HSPBP1: variants seen among roughly 807,000 people sequenced by gnomAD.
HSPBP1 encodes the protein hsp70-binding protein 1.
In HSPBP1, 31 loss-of-function variants were observed where a neutral mutation model predicts 41.7. The observed-to-expected ratio is 0.74, with a 90% CI of 0.56 to 1.00. The LOEUF (loss-of-function observed/expected upper bound fraction) is 1.00, where lower values mean the gene tolerates loss of function less well. Among genes scored for constraint, HSPBP1 ranks in the 50% least tolerant of loss-of-function variants. The pLI, the probability that HSPBP1 is intolerant of heterozygous loss-of-function variation, is 0.00. For synonymous variants in HSPBP1, 199 were observed against 214.4 expected, an observed-to-expected ratio of 0.93 and a Z score of 0.63; for missense variants, 439 against 487.9, an observed-to-expected ratio of 0.90 and a Z score of 0.94.
chr19:55,272,984 T>C lies in HSPBP1; in HGVS notation c.640+1414A>G, dbSNP rs543131757. 3.6e-4 allele frequency among the ~76,000 whole-genome samples: 55 copies of C among 152,316 alleles called. No homozygotes were observed. The highest frequency in any genetic ancestry group is 1.3e-3 in the African/African-American group (54 of 41,578). On this transcript the variant is annotated intron_variant, in intron 4 of 7. Coordinates refer to ENST00000433386, the MANE Select transcript of HSPBP1 (RefSeq NM_012267.5). This position sits in a 1 kb window ranked among gnomAD's most constrained non-coding sequence, Gnocchi z 4.2. The stretch of plus-strand genomic sequence containing the variant: ...CAGCACTGAATACACTAAGAAGTAC[T>C]ACGTTGTTTTTCTGGTTTTTGTGTT...
chr19:55,273,223 C>T (rs1299813342), intron 4 of HSPBP1, among the ~76,000 whole-genome samples: 4 of 152,102 alleles, frequency 2.6e-5, no homozygotes, highest in Admixed American at 6.6e-5. Context: ...CTCCTGGGCT[C>T]GAGCAATTCT....
At chr19:55,280,247 C>G (rs1294353817), upstream of HSPBP1, 1 of 155,132 alleles carries the variant, frequency 6.4e-6, no homozygotes, top group Non-Finnish European at 1.4e-5. Context: ...GGCCCCGCCC[C>G]TCCCATCCGG....
chr19:55,274,389 G>A lies in HSPBP1; in HGVS notation c.640+9C>T. ...GCACCCCTGTCCCCAGCCCCACCCG[G>A]ACACTCACAGGAGATGGCGAAGAGG... On this transcript the variant is annotated intron_variant, in intron 4 of 7. Coordinates refer to ENST00000433386, the MANE Select transcript of HSPBP1 (RefSeq NM_012267.5). 1 of 696,772 alleles carries A rather than the reference G, an allele frequency of 1.4e-6. No homozygotes were observed. The highest frequency in any genetic ancestry group is 1.9e-6 in the Non-Finnish European group (1 of 535,986). The allele number at this position is 696,772 out of a possible 1,614,324, so 43.2% of individuals were successfully genotyped here. A position where few individuals can be genotyped will look rare whatever the true frequency, so the allele number is the denominator to read the frequency against.
chr19:55,274,548 G>A lies in HSPBP1; in HGVS notation c.490C>T (p.Arg164Trp), dbSNP rs1355096967. 8.1e-6 allele frequency: 13 copies of A among 1,608,788 alleles called. No individual in the cohort carries two copies. The highest frequency in any genetic ancestry group is 1.7e-5 in the Admixed American group (1 of 59,908). ...CACGTGCCGATGAGCTGTGCCGCCC[G>A]CCACCGCAGTCCCGCAGCCCCCGCC... is the stretch of plus-strand genomic sequence containing the variant. ...LEAGAAGLRWRAAQLIGTCSQ... is the reference protein window; with the variant it reads ...LEAGAAGLRWWAAQLIGTCSQ... Residue 164 changes from arginine (R) to tryptophan (W), a missense_variant, in exon 4 of 8, where the codon CGG becomes TGG. Arg to Trp is a moderately radical substitution (Grantham distance 101, BLOSUM62 -3). Transcript: ENST00000433386.
At chr19:55,267,095 C>T (rs1053450250) in intron 4 of HSPBP1, among the ~76,000 whole-genome samples, 3 of 152,114 alleles carry the variant, frequency 2.0e-5, no homozygotes, top group African/African-American at 7.2e-5. Context: ...ATATTTTATC[C>T]ATTCCTCCAT....
At chr19:55,274,352 C>T (rs1270695010) in intron 4 of HSPBP1, 46 bp downstream of exon 4, 1 of 566,368 alleles carries the variant, frequency 1.8e-6, no homozygotes, top group Non-Finnish European at 3.0e-6. Flanking sequence ...CCGGCACCCC[C>T]CCCCACCGCC....
chr19:55,270,824 C>G lies in HSPBP1; in HGVS notation c.640+3574G>C, dbSNP rs928811980. Among the ~76,000 whole-genome samples the G allele has an allele frequency of 6.6e-6, 1 of 150,806 alleles. No individual in the cohort carries two copies. Among genetic ancestry groups the G allele is most frequent in the Admixed American group, 6.6e-5 (1 of 15,078 alleles). On this transcript the variant is annotated intron_variant, in intron 4 of 7. Transcript: ENST00000433386. The surrounding 1 kb of genome is among the most constrained non-coding windows in gnomAD (Gnocchi z 5.4). ...CACACCTCATATGCACCCCACATAC[C>G]CCACACATATACATACATCCCCCCA...
At chr19:55,264,372 C>T (rs2087718831) in intron 7 of HSPBP1, among the ~76,000 whole-genome samples, 1 of 152,228 alleles carries the variant, frequency 6.6e-6, no homozygotes. Context: ...CTAAGCTCGG[C>T]TTTGCTGAAG....
chr19:55,273,856 C>T (rs1355005145), intron 4 of HSPBP1, among the ~76,000 whole-genome samples: 3 of 151,932 alleles, frequency 2.0e-5, no homozygotes, highest in African/African-American at 4.8e-5. Flanking sequence ...GGGAGGATCC[C>T]TTGAGGCTAG....
At position 55,270,071 on chromosome 19, in the gene HSPBP1, G is replaced by A. The variant is rs1039323361; in HGVS notation, c.641-3785C>T. Among the ~76,000 whole-genome samples the A allele has an allele frequency of 1.3e-5, 2 of 152,058 alleles. No individual in the cohort carries two copies. Among genetic ancestry groups the A allele is most frequent in the Non-Finnish European group, 2.9e-5 (2 of 68,018 alleles). On this transcript the variant is annotated intron_variant, in intron 4 of 7. Coordinates refer to ENST00000433386, the MANE Select transcript of HSPBP1 (RefSeq NM_012267.5). This position sits in a 1 kb window ranked among gnomAD's most constrained non-coding sequence, Gnocchi z 5.4. ...CTCCCAGCACGGAACTCCAGTAATG[G>A]TACTGGACAGCCACACAATGGCATA... is the stretch of plus-strand genomic sequence containing the variant.
In HSPBP1 at chr19:55,262,266, C is replaced by A; in HGVS notation, c.*342G>T. The A allele has an allele frequency of 2.9e-6, 2 of 689,150 alleles. No homozygotes were observed. The highest frequency in any genetic ancestry group is 1.9e-6 in the Non-Finnish European group (1 of 537,448). 42.7% of individuals were successfully genotyped at this position (689,150 alleles called of 1,614,324 possible). On this transcript the variant is annotated 3_prime_UTR_variant, in exon 8 of 8. Transcript: ENST00000433386. ...ACTTTTATTATTCTTCCAGTGGCTC[C>A]CCAAGTCCCTTAAACCCGTGCCCCT...
chr19:55,274,379 G>GGGCCCCCCCCCCCCCCCCC lies in HSPBP1; in HGVS notation c.640+18_640+19insGGGGGGGGGGGGGGGGGCC. On this transcript the variant is annotated intron_variant, in intron 4 of 7. Transcript: ENST00000433386. ...CCCACCGCCAGCACCCCTGTCCCCAGCCCCACCCGGACACTCACAGGAGAT... is the reference window on the plus strand; with the variant it reads ...CCCACCGCCAGCACCCCTGTCCCCAGGGCCCCCCCCCCCCCCCCCCCCCACCCGGACACTCACAGGAGAT... The GGGCCCCCCCCCCCCCCCCC allele has an allele frequency of 4.6e-6, 1 of 215,142 alleles. No homozygotes were observed. Among genetic ancestry groups the GGGCCCCCCCCCCCCCCCCC allele is most frequent in the Non-Finnish European group, 6.8e-6 (1 of 147,004 alleles). The allele number at this position is 215,142 out of a possible 1,614,324, so 13.3% of individuals were successfully genotyped here.
intron 4 of HSPBP1, 38 bp downstream of exon 4, chr19:55,274,358 CCG>C: frequency 1.3e-6 from 1 of 786,296 alleles, no homozygotes; most frequent in Non-Finnish European, 1.9e-6. Context: ...CCCCCCCCCA[CCG>C]CCAGCACCCC....
At chr19:55,276,762 G>C (rs773779410) in intron 3 of HSPBP1, among the ~76,000 whole-genome samples, 4 of 152,126 alleles carry the variant, frequency 2.6e-5, no homozygotes, top group Non-Finnish European at 5.9e-5. Flanking sequence ...GGTGGCGGCT[G>C]CACTGCAGGT....
rs773370646 is a variant in HSPBP1, at chr19:55,274,462, C to A, written c.576G>T (p.Leu192=). 6.9e-6 allele frequency: 11 copies of A among 1,588,974 alleles called. No individual in the cohort carries two copies. The South Asian group carries it at 1.2e-4, about 18-fold the overall frequency. The change falls in exon 4 of 8, where the codon CTG becomes CTT. Residue 192 remains leucine (L), a synonymous_variant. Transcript: ENST00000433386. ...AGGCGTCGCGGTCCAGCAGCCGCAG[C>A]AGCTTACGCAGGGCACCCAGGCCCA... ...QVLGLGALRK[L]LRLLDRDACD...
intron 3 of HSPBP1, among the ~76,000 whole-genome samples, chr19:55,276,886 C>G (rs1442546923): frequency 1.3e-5 from 2 of 152,124 alleles, no homozygotes; most frequent in Non-Finnish European, 2.9e-5. Context: ...TTACTCTGTG[C>G]CTGGTGTTGT....
At chr19:55,266,620 C>T (rs1178293191) in intron 4 of HSPBP1, among the ~76,000 whole-genome samples, 1 of 148,630 alleles carries the variant, frequency 6.7e-6, no homozygotes, top group Non-Finnish European at 1.5e-5. Flanking sequence ...ATCATCATCA[C>T]TACCATTAAC....
intron 7 of HSPBP1, among the ~76,000 whole-genome samples, chr19:55,262,964 T>C (rs747462788): frequency 1.3e-5 from 2 of 152,144 alleles, no homozygotes; most frequent in Non-Finnish European, 2.9e-5. Flanking sequence ...CTCCCAGATA[T>C]GGACCACTGC....
At position 55,277,625 on chromosome 19, in the gene HSPBP1, C is replaced by T. The variant is rs11880998; in HGVS notation, c.415+17G>A. The T allele has an allele frequency of 3.2e-5, 51 of 1,596,890 alleles. No homozygotes were observed. In the Admixed American group the frequency reaches 4.4e-4, roughly 14 times the overall value. ...TGTACAGAGGGGCAGAACGTCCTGG[C>T]GGGGGAAGCGGGGTACCTGCGGCAT... is the stretch of plus-strand genomic sequence containing the variant. On this transcript the variant is annotated intron_variant, in intron 3 of 7. Coordinates refer to ENST00000433386, the MANE Select transcript of HSPBP1 (RefSeq NM_012267.5).
Sources: gnomAD v4.1 joint callset for allele counts (sites outside exome capture counted in the v4.1 genomes callset) on GRCh38, gnomAD v4.1.1 for gene constraint, Gnocchi (gnomAD v3.1) non-coding constraint, MANE v1.5 for transcripts, NCBI Gene and HGNC (gene_info 2026-07-23, HGNC 2026-07-21) for gene names.